CACNA2D3: variants seen among roughly 807,000 people sequenced by gnomAD.
CACNA2D3 encodes calcium voltage-gated channel auxiliary subunit alpha2delta 3.
In CACNA2D3, 60 loss-of-function variants were observed where a neutral mutation model predicts 160.6. The ratio of observed to expected loss-of-function variants is 0.37; its 90% CI spans 0.30 to 0.46. The LOEUF (loss-of-function observed/expected upper bound fraction) is 0.46, where lower values mean the gene tolerates loss of function less well. Ranked by LOEUF, CACNA2D3 falls within the 20% of genes least tolerant of loss-of-function variation. The pLI is 1.00. For missense variants in CACNA2D3, 1,205 were observed against 1,365.0 expected, an observed-to-expected ratio of 0.88 and a Z score of 1.85; for synonymous variants, 558 against 492.9, an observed-to-expected ratio of 1.13 and a Z score of -1.75.
At chr3:54,755,597 AG>A (rs1189776680) in intron 12 of CACNA2D3, among the ~76,000 whole-genome samples, 1 of 152,064 alleles carries the variant, frequency 6.6e-6, no homozygotes, top group Non-Finnish European at 1.5e-5. Context: ...CTTGTCTCAG[AG>A]TTACACATTT....
At chr3:54,871,001 G>T (rs116328439) in intron 17 of CACNA2D3, among the ~76,000 whole-genome samples, 342 of 150,868 alleles carry the variant, frequency 2.3e-3, no homozygotes, top group Non-Finnish European at 3.9e-3. Context: ...TAAGTAAGAA[G>T]CCCTTTCTCG....
chr3:54,798,143 C>T (rs1485413271), intron 13 of CACNA2D3, among the ~76,000 whole-genome samples: 1 of 152,160 alleles, frequency 6.6e-6, no homozygotes, highest in South Asian at 2.1e-4. Flanking sequence ...GCTTTTTGAT[C>T]ATTAAACTTC....
chr3:54,821,997 T>C (rs1703614688), intron 14 of CACNA2D3, among the ~76,000 whole-genome samples: 1 of 152,140 alleles, frequency 6.6e-6, no homozygotes, highest in Non-Finnish European at 1.5e-5. Context: ...CCATCTAAAC[T>C]GATGCAAATG....
At chr3:54,754,496 T>C (rs1003843819) in intron 12 of CACNA2D3, among the ~76,000 whole-genome samples, 6 of 152,202 alleles carry the variant, frequency 3.9e-5, no homozygotes, top group South Asian at 2.1e-4. Flanking sequence ...TCTTGTGTTA[T>C]GTTGATCTCT....
intron 27 of CACNA2D3, among the ~76,000 whole-genome samples, chr3:54,957,047 T>C (rs1259973718): frequency 6.6e-6 from 1 of 152,202 alleles, no homozygotes; most frequent in South Asian, 2.1e-4. Context: ...TTTTTTAAGC[T>C]TCTAGCAGAC....
intron 27 of CACNA2D3, among the ~76,000 whole-genome samples, chr3:54,961,681 A>C (rs983440891): frequency 6.6e-6 from 1 of 152,146 alleles, no homozygotes; most frequent in Non-Finnish European, 1.5e-5. Context: ...CAGGAAGCTG[A>C]TGGCACCAGT....
chr3:54,562,730 G>T, intron 5 of CACNA2D3, 70 bp from the exon 6 acceptor site: 1 of 1,372,310 alleles, frequency 7.3e-7, no homozygotes, highest in Non-Finnish European at 1.0e-6. Flanking sequence ...GCCAAGCAGC[G>T]TGGGATGCCA....
At chr3:54,763,858 CATATATATATACGTATATATAT>C (rs1702160929) in intron 12 of CACNA2D3, among the ~76,000 whole-genome samples, 1 of 43,020 alleles carries the variant, frequency 2.3e-5, no homozygotes, top group Non-Finnish European at 4.0e-5. Context: ...CATATATATA[CATATATATATACGTATATATAT>C]GTATATATAT....
chr3:54,369,999 C>T (rs1264294299), intron 3 of CACNA2D3, among the ~76,000 whole-genome samples: 1 of 152,148 alleles, frequency 6.6e-6, no homozygotes, highest in Non-Finnish European at 1.5e-5. Context: ...TAGCTTCATG[C>T]CCCTTAAGAT....
In CACNA2D3 at chr3:54,612,750, A is replaced by G. The variant is rs570345114; in HGVS notation, c.964-15037A>G. On this transcript the variant is annotated intron_variant, in intron 9 of 37. Coordinates refer to ENST00000474759, the MANE Select transcript of CACNA2D3 (RefSeq NM_018398.3). Reference sequence around the variant, plus strand: ...GAGAAAGAGCAAGCTCTGGGAAGGGATAAGACCAGCGGATGAATCTGAGGA... The same window carrying G: ...GAGAAAGAGCAAGCTCTGGGAAGGGGTAAGACCAGCGGATGAATCTGAGGA... Among the ~76,000 whole-genome samples the G allele has an allele frequency of 4.6e-5, 7 of 152,318 alleles. No homozygotes were observed. In the East Asian group the frequency reaches 1.3e-3, roughly 29 times the overall value.
chr3:54,197,632 C>T (rs1456211619), intron 2 of CACNA2D3: 10 of 152,172 alleles, frequency 6.6e-5, no homozygotes, highest in Admixed American at 6.5e-4. Flanking sequence ...GTTGGTTTCT[C>T]ACAGCCAGTC....
chr3:54,541,307 GA>G (rs1701975605), intron 5 of CACNA2D3, among the ~76,000 whole-genome samples: 1 of 131,110 alleles, frequency 7.6e-6, no homozygotes, highest in South Asian at 2.5e-4. Flanking sequence ...AAAAAGAAAA[GA>G]AAAGAAAAGG....
chr3:54,442,247 A>C (rs1340499478), intron 4 of CACNA2D3, among the ~76,000 whole-genome samples: 4 of 152,130 alleles, frequency 2.6e-5, no homozygotes, highest in Non-Finnish European at 5.9e-5. Flanking sequence ...TGCATCTCTG[A>C]ATGCTCATGT....
At chr3:54,382,453 GT>G (rs1460566286) in intron 3 of CACNA2D3, among the ~76,000 whole-genome samples, 1 of 152,148 alleles carries the variant, frequency 6.6e-6, no homozygotes, top group African/African-American at 2.4e-5. Context: ...TCTTGACTTT[GT>G]TAGATGATGA....
intron 8 of CACNA2D3, among the ~76,000 whole-genome samples, chr3:54,572,122 G>A (rs1488206432): frequency 2.8e-5 from 4 of 140,858 alleles, no homozygotes; most frequent in Non-Finnish European, 4.9e-5. Context: ...AGAGGGCCTG[G>A]GCCTCTAAGT....
At chr3:54,787,332 C>G (rs1245023692) in intron 13 of CACNA2D3, among the ~76,000 whole-genome samples, 1 of 152,116 alleles carries the variant, frequency 6.6e-6, no homozygotes, top group Non-Finnish European at 1.5e-5. Flanking sequence ...ATTTAGATCA[C>G]CGTTAGGATT....
At chr3:54,757,261 C>T (rs960833971) in intron 12 of CACNA2D3, among the ~76,000 whole-genome samples, 4 of 152,200 alleles carry the variant, frequency 2.6e-5, no homozygotes, top group African/African-American at 9.6e-5. Context: ...GATCAGTCAT[C>T]GTCAGGTCCA....
intron 31 of CACNA2D3, among the ~76,000 whole-genome samples, chr3:54,993,582 G>T (rs1702787476): frequency 1.3e-5 from 2 of 152,100 alleles, no homozygotes; most frequent in African/African-American, 4.8e-5. Context: ...GGTAAAGAAA[G>T]AAATCTTTAC....
intron 4 of CACNA2D3, among the ~76,000 whole-genome samples, chr3:54,480,825 C>G (rs1700921054): frequency 6.6e-6 from 1 of 152,136 alleles, no homozygotes; most frequent in Non-Finnish European, 1.5e-5. Flanking sequence ...TGGGAGGGAA[C>G]TCTTAGGGTC....
Sources: gnomAD v4.1 joint callset for allele counts (sites outside exome capture counted in the v4.1 genomes callset) on GRCh38, gnomAD v4.1.1 for gene constraint, MANE v1.5 for transcripts, NCBI Gene and HGNC (gene_info 2026-07-23, HGNC 2026-07-21) for gene names.